CPS1: variants seen among roughly 807,000 people sequenced by gnomAD.
CPS1 encodes the protein carbamoyl-phosphate synthase 1.
A neutral mutation model predicts 174.6 loss-of-function variants in CPS1; 109 were observed. That is an observed-to-expected ratio of 0.62 (90% CI 0.53 to 0.73). CPS1 has a LOEUF of 0.73. Among genes scored for constraint, CPS1 ranks in the 30% least tolerant of loss-of-function variants. The pLI, the probability that CPS1 is intolerant of heterozygous loss-of-function variation, is 0.00. For synonymous variants in CPS1, 637 were observed against 632.0 expected (o/e 1.01, Z -0.12); for missense variants, 1,689 against 1,821.9 (o/e 0.93, Z 1.33).
In CPS1 at chr2:210,639,141, C is replaced by G. The variant is rs764400976; in HGVS notation, c.2830-9C>G. ...CTTATTTGTTTATTTTATTTGTTTT[C>G]TCTTACAGATTGATACACTGGCTGC... On this transcript the variant is annotated splice_polypyrimidine_tract_variant and intron_variant, in intron 22 of 37. Coordinates refer to ENST00000233072, the MANE Select transcript of CPS1 (RefSeq NM_001875.5). 15 of 1,606,416 alleles carry G rather than the reference C, an allele frequency of 9.3e-6. No individual in the cohort carries two copies. Among genetic ancestry groups the G allele is most frequent in the Middle Eastern group, 1.7e-4 (1 of 6,050 alleles).
intron 10 of CPS1, 96 bp downstream of exon 10, chr2:210,592,065 C>A: frequency 7.3e-7 from 1 of 1,376,962 alleles, no homozygotes; most frequent in South Asian, 1.3e-5. Context: ...TTATGAGATA[C>A]ATGTGATATT....
chr2:210,584,072 T>G (rs1418738770), intron 6 of CPS1, among the ~76,000 whole-genome samples: 1 of 152,128 alleles, frequency 6.6e-6, no homozygotes, highest in Admixed American at 6.6e-5. Context: ...TATGGGATAC[T>G]GCTATGAAAT....
chr2:210,589,055 GC>G (rs1261844999), intron 7 of CPS1, among the ~76,000 whole-genome samples: 2 of 151,940 alleles, frequency 1.3e-5, no homozygotes, highest in Non-Finnish European at 2.9e-5. Context: ...CTCTGGAGTA[GC>G]CCCCAACCAA....
intron 2 of CPS1, among the ~76,000 whole-genome samples, chr2:210,574,349 C>T (rs1559083592): frequency 6.6e-6 from 1 of 151,966 alleles, no homozygotes; most frequent in Non-Finnish European, 1.5e-5. Context: ...TCAAGTTAGT[C>T]TCATAAAGAC....
chr2:210,560,795 C>T (rs926569361), intron 1 of CPS1, among the ~76,000 whole-genome samples: 1 of 152,076 alleles, frequency 6.6e-6, no homozygotes, highest in Non-Finnish European at 1.5e-5. Context: ...AAATATAACT[C>T]ATTATCATAT....
At chr2:210,516,364 T>C (rs962338272) in intron 1 of CPS1, among the ~76,000 whole-genome samples, 3 of 151,898 alleles carry the variant, frequency 2.0e-5, no homozygotes, top group Non-Finnish European at 2.9e-5. Flanking sequence ...CCTCATCCAA[T>C]TGATTCACAA....
At chr2:210,594,370 AG>A (rs1698412527) in intron 11 of CPS1, 137 bp from the exon 12 acceptor site, 1 of 657,530 alleles carries the variant, frequency 1.5e-6, no homozygotes, top group African/African-American at 1.8e-5. Flanking sequence ...TTGACAAAAA[AG>A]CAAAAAAAGC....
At chr2:210,654,503 C>G (rs1370477222) in intron 29 of CPS1, among the ~76,000 whole-genome samples, 1 of 152,106 alleles carries the variant, frequency 6.6e-6, no homozygotes, top group African/African-American at 2.4e-5. Flanking sequence ...TTCCCATCCT[C>G]CTCCCTTTTT....
At chr2:210,600,761 TG>T in intron 15 of CPS1, 49 bp downstream of exon 15, 1 of 1,587,144 alleles carries the variant, frequency 6.3e-7, no homozygotes, top group Non-Finnish European at 8.6e-7. Context: ...TGTCTTGTGT[TG>T]TAGGGAGAAT....
chr2:210,676,310 C>T (rs552400201), intron 36 of CPS1, among the ~76,000 whole-genome samples: 79 of 152,212 alleles, frequency 5.2e-4, no homozygotes, highest in African/African-American at 1.7e-3. Context: ...GGTTTTCATG[C>T]CTTAGACCAT....
chr2:210,568,120 C>T (rs1697360758), intron 1 of CPS1, among the ~76,000 whole-genome samples: 1 of 151,970 alleles, frequency 6.6e-6, no homozygotes, highest in Admixed American at 6.6e-5. Flanking sequence ...ATACCTTTAG[C>T]AATTAAAAGG....
upstream of CPS1, among the ~76,000 whole-genome samples, chr2:210,553,172 C>G (rs924279238): frequency 2.6e-5 from 4 of 151,010 alleles, no homozygotes; most frequent in Non-Finnish European, 5.9e-5. Flanking sequence ...ATAATATTGC[C>G]TCCAAAAAGC....
At chr2:210,500,705 C>T (rs546739034) in intron 1 of CPS1, among the ~76,000 whole-genome samples, 2 of 152,342 alleles carry the variant, frequency 1.3e-5, no homozygotes, top group South Asian at 2.1e-4. Context: ...CTCCTCCCAG[C>T]TGTTTTCACG....
chr2:210,551,157 G>T (rs1055178027), intron 1 of CPS1, among the ~76,000 whole-genome samples: 7 of 151,464 alleles, frequency 4.6e-5, no homozygotes, highest in Admixed American at 3.3e-4. Flanking sequence ...TCTCTTTTTG[G>T]ACTAACTTAC....
intron 1 of CPS1, among the ~76,000 whole-genome samples, chr2:210,544,982 C>G (rs141230146): frequency 2.7e-4 from 41 of 151,972 alleles, no homozygotes; most frequent in African/African-American, 7.5e-4. Context: ...TATGACCTGT[C>G]TCCTGAACTT....
chr2:210,540,943 G>A (rs976022448), intron 1 of CPS1, among the ~76,000 whole-genome samples: 4 of 152,152 alleles, frequency 2.6e-5, no homozygotes, highest in African/African-American at 9.7e-5. Context: ...AGTTAGCTTA[G>A]TTTAAACACC....
intron 11 of CPS1, among the ~76,000 whole-genome samples, 171 bp downstream of exon 11, chr2:210,593,127 A>T (rs757887084): frequency 6.6e-6 from 1 of 151,982 alleles, no homozygotes; most frequent in Non-Finnish European, 1.5e-5. Flanking sequence ...GTCACAGAGG[A>T]AATTTTTATC....
At chr2:210,520,142 A>G (rs948176221) in intron 1 of CPS1, among the ~76,000 whole-genome samples, 4 of 152,070 alleles carry the variant, frequency 2.6e-5, no homozygotes, top group African/African-American at 9.7e-5. Context: ...TTTGATAAAT[A>G]TAAAACACAT....
chr2:210,667,449 C>T (rs994455083), intron 33 of CPS1, among the ~76,000 whole-genome samples: 1 of 152,090 alleles, frequency 6.6e-6, no homozygotes, highest in South Asian at 2.1e-4. Flanking sequence ...ATTATGTTGG[C>T]TATTTGACTT....
Sources: gnomAD v4.1 joint callset for allele counts (sites outside exome capture counted in the v4.1 genomes callset) on GRCh38, gnomAD v4.1.1 for gene constraint, MANE v1.5 for transcripts, NCBI Gene and HGNC (gene_info 2026-07-23, HGNC 2026-07-21) for gene names.